ATCAY: variants seen among roughly 807,000 people sequenced by gnomAD.
ATCAY encodes the protein ATCAY kinesin light chain interacting caytaxin.
In ATCAY, 22 loss-of-function variants were observed where a neutral mutation model predicts 47.7. The ratio of observed to expected loss-of-function variants is 0.46; its 90% CI spans 0.33 to 0.66. The LOEUF is 0.66. ATCAY is among the 30% of genes least tolerant of loss of function. The probability of loss-of-function intolerance (pLI) is 0.02; values close to 1 mark genes in which losing one functional copy is unlikely to be tolerated. For synonymous variants in ATCAY, 216 were observed against 207.6 expected (o/e 1.04, Z -0.35); for missense variants, 452 against 515.0 (o/e 0.88, Z 1.18).
At chr19:3,911,839 G>A (rs1419982060) in intron 8 of ATCAY, among the ~76,000 whole-genome samples, 1 of 152,064 alleles carries the variant, frequency 6.6e-6, no homozygotes, top group African/African-American at 2.4e-5. Context: ...TTGAACAACA[G>A]GACACATTCA....
intron 3 of ATCAY, 112 bp downstream of exon 3, chr19:3,902,657 T>C: frequency 1.0e-5 from 12 of 1,195,026 alleles, no homozygotes; most frequent in Non-Finnish European, 1.4e-5. Context: ...GTGGGTAGAA[T>C]GTTCTGTCCT....
At chr19:3,883,854 A>G (rs1861244017) in intron 1 of ATCAY, among the ~76,000 whole-genome samples, 1 of 152,172 alleles carries the variant, frequency 6.6e-6, no homozygotes, top group Non-Finnish European at 1.5e-5. Context: ...TGAGACCCAG[A>G]GAGGGAGATG....
intron 7 of ATCAY, 84 bp downstream of exon 7, chr19:3,909,701 C>G: frequency 1.3e-6 from 2 of 1,523,786 alleles, no homozygotes; most frequent in Non-Finnish European, 1.8e-6. Context: ...ACCTGGAATC[C>G]CAGCACTTCG....
rs754044132 is a variant in ATCAY at position 3,902,557 on chromosome 19, C to A, written c.136+12C>A. The A allele has an allele frequency of 6.4e-7, 1 of 1,563,116 alleles. No individual in the cohort carries two copies. The highest frequency in any genetic ancestry group is 1.9e-5 in the Admixed American group (1 of 52,440). ...GGAAGACACATCCTGTAAGTTTCCA[C>A]GTCCACAGAAGGGCGGAAACAGGCT... On this transcript the variant is annotated intron_variant, in intron 3 of 12. Coordinates refer to ENST00000450849, the MANE Select transcript of ATCAY (RefSeq NM_033064.5).
chr19:3,923,964 GTGGGTGGA>G (rs1218433369), intron 12 of ATCAY, among the ~76,000 whole-genome samples: 3 of 124,642 alleles, frequency 2.4e-5, no homozygotes, highest in African/African-American at 9.8e-5. Flanking sequence ...GGATGAGTGG[GTGGGTGGA>G]TGGATGGATG....
intron 2 of ATCAY, among the ~76,000 whole-genome samples, chr19:3,898,382 G>A (rs1160528310): frequency 6.6e-6 from 1 of 151,980 alleles, no homozygotes; most frequent in African/African-American, 2.4e-5. Flanking sequence ...ACGGGCTTTC[G>A]CCATGTTGCC....
At chr19:3,895,012 T>C in intron 2 of ATCAY, 1 of 397,324 alleles carries the variant, frequency 2.5e-6, no homozygotes, top group South Asian at 1.8e-5. Context: ...ACCCCACAGA[T>C]TTTTTTCTCT....
At chr19:3,893,150 T>G (rs2038733259) in intron 2 of ATCAY, among the ~76,000 whole-genome samples, 1 of 149,590 alleles carries the variant, frequency 6.7e-6, no homozygotes, top group African/African-American at 2.5e-5. Flanking sequence ...CTGTGCATCT[T>G]GCATGTGGGG....
chr19:3,905,343 A>G, intron 3 of ATCAY, 91 bp from the exon 4 acceptor site: 2 of 1,302,204 alleles, frequency 1.5e-6, no homozygotes, highest in Non-Finnish European at 2.1e-6. Context: ...CCATTCCTGC[A>G]TGATGAAACA....
chr19:3,907,631 T>A lies in ATCAY; in HGVS notation c.359-103T>A. 3 of 1,398,604 alleles carry A rather than the reference T, an allele frequency of 2.1e-6. No homozygotes were observed. The highest frequency in any genetic ancestry group is 2.5e-4 in the Middle Eastern group (1 of 4,076). 86.6% of individuals were successfully genotyped at this position (1,398,604 alleles called of 1,614,324 possible). ...TGGGGAGAAGCGAAGGACTTGTGGG[T>A]CCCGGCAGCGAGGGAGGTGGGAGAG... On this transcript the variant is annotated intron_variant, in intron 4 of 12. Transcript: ENST00000450849. The surrounding 1 kb of genome is among the most constrained non-coding windows in gnomAD (Gnocchi z 5.1).
At chr19:3,914,681 T>A (rs1599145294) in intron 9 of ATCAY, among the ~76,000 whole-genome samples, 3 of 151,688 alleles carry the variant, frequency 2.0e-5, no homozygotes, top group Admixed American at 2.0e-4. Context: ...ATTAGCCAGG[T>A]GTGGTGGTGC....
At chr19:3,905,844 G>C (rs575282901) in intron 4 of ATCAY, among the ~76,000 whole-genome samples, 189 bp downstream of exon 4, 6 of 152,146 alleles carry the variant, frequency 3.9e-5, no homozygotes, top group Non-Finnish European at 5.9e-5. Flanking sequence ...CTGGACAACA[G>C]AGTGAGACCC....
intron 12 of ATCAY, among the ~76,000 whole-genome samples, chr19:3,921,853 C>T (rs2039022605): frequency 6.6e-6 from 1 of 150,948 alleles, no homozygotes; most frequent in South Asian, 2.1e-4. Context: ...GCTGAGATTG[C>T]ACCATTGCAT....
chr19:3,923,916 T>C lies in ATCAY; in HGVS notation c.1107-667T>C, dbSNP rs1381384633. On this transcript the variant is annotated intron_variant, in intron 12 of 12. Transcript: ENST00000450849. The stretch of plus-strand genomic sequence containing the variant: ...GGTGGATGGCTAGATGTGTGGGTGG[T>C]TGTATGGTTGGTTGGATGCATGGAT... Among the ~76,000 whole-genome samples, 6 of 125,384 alleles carry C rather than the reference T, an allele frequency of 4.8e-5. 1 individual carries two copies. Among genetic ancestry groups the C allele is most frequent in the African/African-American group, 1.9e-4 (6 of 31,690 alleles). The allele number at this position is 125,384 out of a possible 152,430, so 82.3% of individuals were successfully genotyped here.
At chr19:3,909,725 G>A in intron 7 of ATCAY, 108 bp downstream of exon 7, 1 of 1,460,236 alleles carries the variant, frequency 6.8e-7, no homozygotes, top group Non-Finnish European at 9.2e-7. Flanking sequence ...GGCTGAGGTG[G>A]GAAGGTCCCT....
intron 2 of ATCAY, among the ~76,000 whole-genome samples, chr19:3,897,236 A>C (rs2038777336): frequency 6.6e-6 from 1 of 151,500 alleles, no homozygotes; most frequent in South Asian, 2.1e-4. Context: ...AGGTCAGTTC[A>C]TTCTTCAGTC....
Position 3,902,651 on chromosome 19 carries a change from G to A in ATCAY, c.136+106G>A, listed in dbSNP as rs1009626377. On this transcript the variant is annotated intron_variant, in intron 3 of 12. Transcript: ENST00000450849. ...AAATGTCAGAGGCCACACACCGTGG[G>A]TAGAATGTTCTGTCCTGGGGTCTAT... 5.6e-6 allele frequency: 7 copies of A among 1,261,068 alleles called. No homozygotes were observed. The African/African-American group carries it at 8.9e-5, about 16-fold the overall frequency. 78.1% of individuals were successfully genotyped at this position (1,261,068 alleles called of 1,614,324 possible). A position where few individuals can be genotyped will look rare whatever the true frequency, so the allele number is the denominator to read the frequency against.
At chr19:3,922,373 C>T in intron 12 of ATCAY, among the ~76,000 whole-genome samples, 1 of 152,228 alleles carries the variant, frequency 6.6e-6, no homozygotes, top group East Asian at 1.9e-4. Context: ...ACCTCTTCAC[C>T]AGGCAGCAGG....
intron 1 of ATCAY, among the ~76,000 whole-genome samples, chr19:3,882,820 TTTTTGC>T (rs1473496758): frequency 5.9e-4 from 90 of 151,382 alleles, no homozygotes; most frequent in African/African-American, 2.1e-3. Context: ...TTTGTTTTTG[TTTTTGC>T]TTTTCGTAGA....
Sources: allele counts gnomAD v4.1 joint callset (sites outside exome capture counted in the v4.1 genomes callset), GRCh38; gene constraint gnomAD v4.1.1; non-coding constraint Gnocchi (gnomAD v3.1); transcripts MANE v1.5; gene names NCBI Gene and HGNC (gene_info 2026-07-23, HGNC 2026-07-21).